NRXN3: variants seen among roughly 807,000 people sequenced by gnomAD.
The protein encoded by NRXN3 is neurexin III.
In NRXN3, 32 loss-of-function variants were observed where a neutral mutation model predicts 137.6. The ratio of observed to expected loss-of-function variants is 0.23; its 90% CI spans 0.18 to 0.31. The LOEUF is 0.31. Among genes scored for constraint, NRXN3 ranks in the 10% least tolerant of loss-of-function variants. The pLI, the probability that NRXN3 is intolerant of heterozygous loss-of-function variation, is 1.00. For missense variants in NRXN3, 1,574 were observed against 2,062.5 expected, an observed-to-expected ratio of 0.76 and a Z score of 4.59; for synonymous variants, 798 against 784.5, an observed-to-expected ratio of 1.02 and a Z score of -0.29.
intron 15 of NRXN3, among the ~76,000 whole-genome samples, chr14:79,267,584 C>G (rs1230426053): frequency 6.6e-6 from 1 of 151,898 alleles, no homozygotes; most frequent in Admixed American, 6.6e-5. Flanking sequence ...TCTTGAACTC[C>G]TGGCCTCAAG....
intron 15 of NRXN3, among the ~76,000 whole-genome samples, chr14:79,208,844 A>T (rs1372783748): frequency 6.6e-6 from 1 of 152,160 alleles, no homozygotes; most frequent in Non-Finnish European, 1.5e-5. Context: ...ATACTTTAAG[A>T]AAAAAATTCA....
At chr14:78,563,964 A>T (rs563355954) in intron 4 of NRXN3, among the ~76,000 whole-genome samples, 1 of 152,268 alleles carries the variant, frequency 6.6e-6, no homozygotes, top group South Asian at 2.1e-4. Context: ...GTAATATTTC[A>T]TGTCTTCCGT....
intron 19 of NRXN3, among the ~76,000 whole-genome samples, chr14:79,763,597 G>A (rs1241566156): frequency 1.3e-5 from 2 of 151,514 alleles, no homozygotes; most frequent in African/African-American, 4.9e-5. Context: ...TATTTGTCAC[G>A]GATCTGGAGG....
At chr14:78,457,217 T>G (rs2094768392) in intron 4 of NRXN3, among the ~76,000 whole-genome samples, 1 of 152,120 alleles carries the variant, frequency 6.6e-6, no homozygotes, top group African/African-American at 2.4e-5. Context: ...TGTTGTATTT[T>G]TAGTAGAGAC....
intron 15 of NRXN3, among the ~76,000 whole-genome samples, chr14:79,026,460 A>G (rs1207078322): frequency 1.3e-5 from 2 of 152,104 alleles, no homozygotes; most frequent in Non-Finnish European, 2.9e-5. Context: ...TCCCTCTTCC[A>G]TTTGAGGCCC....
intron 4 of NRXN3, among the ~76,000 whole-genome samples, chr14:78,318,163 C>T (rs537190372): frequency 6.6e-6 from 1 of 152,216 alleles, no homozygotes; most frequent in South Asian, 2.1e-4. Context: ...AAAGAGGGAG[C>T]TTGTGTGCCA....
rs2099418133 is a variant in NRXN3 at position 79,866,534 on chromosome 14, A to G, written c.*4570A>G. The G allele has an allele frequency of 6.6e-6, 1 of 152,154 alleles. No homozygotes were observed. Among genetic ancestry groups the G allele is most frequent in the South Asian group, 2.1e-4 (1 of 4,830 alleles). The allele number at this position is 152,154 out of a possible 1,614,324, so 9.4% of individuals were successfully genotyped here. On this transcript the variant is annotated 3_prime_UTR_variant, in exon 21 of 21. Transcript: ENST00000335750. ...GGGAGCAAGCAGGATCAAAACCATAATTTGGATTGATGACAGACTGCAAAA... is the reference window on the plus strand; with the variant it reads ...GGGAGCAAGCAGGATCAAAACCATAGTTTGGATTGATGACAGACTGCAAAA...
chr14:78,601,909 A>G (rs980101777), intron 4 of NRXN3, among the ~76,000 whole-genome samples: 1 of 152,140 alleles, frequency 6.6e-6, no homozygotes, highest in African/African-American at 2.4e-5. Flanking sequence ...TTTCTCCCTC[A>G]TTGAGTGTCT....
At chr14:79,253,068 G>A (rs941820515) in intron 15 of NRXN3, among the ~76,000 whole-genome samples, 3 of 152,134 alleles carry the variant, frequency 2.0e-5, no homozygotes, top group South Asian at 2.1e-4. Context: ...ACCAAGTAGC[G>A]TGACCTGGAT....
At chr14:79,540,221 T>G (rs540576751) in intron 16 of NRXN3, among the ~76,000 whole-genome samples, 1 of 152,122 alleles carries the variant, frequency 6.6e-6, no homozygotes, top group Non-Finnish European at 1.5e-5. Flanking sequence ...AACTTGTTTA[T>G]TCATTCATTT....
intron 15 of NRXN3, among the ~76,000 whole-genome samples, chr14:79,242,454 T>C (rs2074458561): frequency 6.6e-6 from 1 of 152,154 alleles, no homozygotes; most frequent in African/African-American, 2.4e-5. Context: ...GTTAGAGACC[T>C]CTAAAATAAA....
At chr14:78,501,579 G>A (rs1008678386) in intron 4 of NRXN3, among the ~76,000 whole-genome samples, 1 of 152,190 alleles carries the variant, frequency 6.6e-6, no homozygotes, top group Non-Finnish European at 1.5e-5. Flanking sequence ...ACACTCAGGT[G>A]GAGAAGGTTA....
intron 4 of NRXN3, among the ~76,000 whole-genome samples, chr14:78,424,977 G>A (rs2093604329): frequency 6.6e-6 from 1 of 152,220 alleles, no homozygotes; most frequent in African/African-American, 2.4e-5. Context: ...TCCCTTGGTT[G>A]TTCAGTGTCT....
At chr14:78,175,291 T>C (rs1362486666) in intron 1 of NRXN3, among the ~76,000 whole-genome samples, 1 of 152,176 alleles carries the variant, frequency 6.6e-6, no homozygotes, top group Admixed American at 6.5e-5. Flanking sequence ...GGAGACAGGG[T>C]TACGTCATTG....
intron 15 of NRXN3, among the ~76,000 whole-genome samples, chr14:79,035,150 T>C (rs912862054): frequency 3.9e-5 from 6 of 152,118 alleles, no homozygotes; most frequent in Non-Finnish European, 8.8e-5. Context: ...ATTTTTTAAA[T>C]GGAAGCTAAT....
At chr14:78,693,076 C>T (rs2098188866) in intron 6 of NRXN3, among the ~76,000 whole-genome samples, 1 of 151,848 alleles carries the variant, frequency 6.6e-6, no homozygotes, top group South Asian at 2.1e-4. Flanking sequence ...GAGCGAGACT[C>T]CATCTCAAAA....
intron 15 of NRXN3, among the ~76,000 whole-genome samples, chr14:79,207,499 G>A (rs2066960021): frequency 1.3e-5 from 2 of 152,180 alleles, no homozygotes; most frequent in Admixed American, 6.5e-5. Context: ...ACTGGTGCAA[G>A]GAAAGGGAAT....
chr14:78,428,829 C>A (rs1458102176), intron 4 of NRXN3, among the ~76,000 whole-genome samples: 2 of 152,132 alleles, frequency 1.3e-5, no homozygotes, highest in Non-Finnish European at 2.9e-5. Context: ...TTGCATGAAG[C>A]CTATGCACAG....
chr14:79,699,149 G>A (rs892936280), intron 19 of NRXN3, among the ~76,000 whole-genome samples: 5 of 151,808 alleles, frequency 3.3e-5, no homozygotes, highest in East Asian at 1.9e-4. Flanking sequence ...TACTGTTACC[G>A]TCACACATGC....
Sources: allele counts gnomAD v4.1 joint callset (sites outside exome capture counted in the v4.1 genomes callset), GRCh38; gene constraint gnomAD v4.1.1; transcripts MANE v1.5; gene names NCBI Gene and HGNC (gene_info 2026-07-23, HGNC 2026-07-21).